Variants in CNTN5 observed in about 807,000 individuals in gnomAD.
CNTN5 encodes contactin-5.
Under a neutral mutation model 129.1 loss-of-function variants are expected in CNTN5, and 77 were observed. The ratio of observed to expected loss-of-function variants is 0.60; its 90% CI spans 0.50 to 0.72. CNTN5 has a LOEUF of 0.72. CNTN5 is among the 30% of genes least tolerant of loss of function. The probability of loss-of-function intolerance (pLI) is 0.00; values close to 1 mark genes in which losing one functional copy is unlikely to be tolerated. For missense variants in CNTN5, 1,478 were observed against 1,328.8 expected, an observed-to-expected ratio of 1.11 and a Z score of -1.75; for synonymous variants, 509 against 465.6, an observed-to-expected ratio of 1.09 and a Z score of -1.20.
chr11:100,075,809 G>C (rs1471182817), intron 13 of CNTN5, among the ~76,000 whole-genome samples: 4 of 152,086 alleles, frequency 2.6e-5, no homozygotes. Context: ...GAGAATTCTG[G>C]TTTCTATCAT....
chr11:100,071,966 C>A, intron 12 of CNTN5, 132 bp downstream of exon 12: 1 of 839,532 alleles, frequency 1.2e-6, no homozygotes, highest in Non-Finnish European at 1.8e-6. Flanking sequence ...AATACTATGT[C>A]TTGCTGATTT....
At chr11:99,472,522 T>C (rs1285089469) in intron 2 of CNTN5, among the ~76,000 whole-genome samples, 1 of 152,202 alleles carries the variant, frequency 6.6e-6, no homozygotes, top group African/African-American at 2.4e-5. Flanking sequence ...TTTCTGTCTG[T>C]TTGTTCAACA....
chr11:100,061,051 C>A (rs542671391), intron 9 of CNTN5, among the ~76,000 whole-genome samples, 161 bp from the exon 10 acceptor site: 2 of 93,078 alleles, frequency 2.1e-5, no homozygotes, highest in Admixed American at 2.1e-4. Context: ...ACTTCCCAGA[C>A]AACCCACGTG....
chr11:100,081,082 T>C (rs1316750869), intron 13 of CNTN5, among the ~76,000 whole-genome samples: 1 of 152,104 alleles, frequency 6.6e-6, no homozygotes, highest in Non-Finnish European at 1.5e-5. Flanking sequence ...CTGATTTCAG[T>C]GAAAGCTAAC....
At chr11:99,044,071 G>T (rs960971818) in intron 1 of CNTN5, among the ~76,000 whole-genome samples, 1 of 152,054 alleles carries the variant, frequency 6.6e-6, no homozygotes, top group African/African-American at 2.4e-5. Flanking sequence ...GAAAAAATAG[G>T]CTTTCTTAGA....
At chr11:99,575,989 T>C (rs1444341142) in intron 3 of CNTN5, among the ~76,000 whole-genome samples, 3 of 152,152 alleles carry the variant, frequency 2.0e-5, no homozygotes, top group Non-Finnish European at 4.4e-5. Context: ...AGGGCCCCGG[T>C]GGCCACATCA....
chr11:99,080,985 T>TTTTG (rs773771006), intron 1 of CNTN5, among the ~76,000 whole-genome samples: 3 of 151,196 alleles, frequency 2.0e-5, no homozygotes, highest in Non-Finnish European at 3.0e-5. Context: ...AATCAGTTTT[T>TTTTG]TTTTTTTTTT....
intron 8 of CNTN5, among the ~76,000 whole-genome samples, chr11:99,992,419 C>G (rs1939168295): frequency 6.6e-6 from 1 of 152,168 alleles, no homozygotes; most frequent in African/African-American, 2.4e-5. Context: ...CAGCATGACT[C>G]TCTGCATGCC....
chr11:100,010,221 T>C (rs939308932), intron 9 of CNTN5, among the ~76,000 whole-genome samples: 2 of 152,050 alleles, frequency 1.3e-5, no homozygotes, highest in African/African-American at 4.8e-5. Flanking sequence ...AGTGTTTAAG[T>C]CCAGCCCATA....
chr11:99,825,477 T>G (rs1035660915), intron 4 of CNTN5, among the ~76,000 whole-genome samples: 1 of 151,502 alleles, frequency 6.6e-6, no homozygotes, highest in African/African-American at 2.4e-5. Context: ...TAAAAATCAA[T>G]ACTTAATTAT....
intron 21 of CNTN5, among the ~76,000 whole-genome samples, chr11:100,318,157 C>T (rs1233918246): frequency 7.0e-6 from 1 of 143,654 alleles, no homozygotes; most frequent in Non-Finnish European, 1.5e-5. Flanking sequence ...AGGAGAATGG[C>T]GTGAACCCGG....
chr11:99,143,849 C>T (rs1276069631), intron 1 of CNTN5, among the ~76,000 whole-genome samples: 2 of 151,974 alleles, frequency 1.3e-5, no homozygotes, highest in Non-Finnish European at 2.9e-5. Context: ...TTTGAAAAGA[C>T]CTGTTTTAGA....
At chr11:99,574,664 G>A (rs1949286659) in intron 3 of CNTN5, among the ~76,000 whole-genome samples, 1 of 152,104 alleles carries the variant, frequency 6.6e-6, no homozygotes, top group Non-Finnish European at 1.5e-5. Context: ...GACTGGTGAT[G>A]TTGAGCTTTT....
intron 2 of CNTN5, among the ~76,000 whole-genome samples, chr11:99,369,321 T>C (rs1300820162): frequency 6.7e-6 from 1 of 150,178 alleles, no homozygotes; most frequent in Non-Finnish European, 1.5e-5. Flanking sequence ...GGAACCTTTG[T>C]AACATTTAGT....
intron 13 of CNTN5, among the ~76,000 whole-genome samples, chr11:100,083,342 G>A (rs755975311): frequency 3.3e-5 from 5 of 150,760 alleles, no homozygotes; most frequent in African/African-American, 4.9e-5. Context: ...AGAGAGATGG[G>A]AAGAGGTCCC....
At chr11:99,695,801 T>C (rs1253674871) in intron 3 of CNTN5, among the ~76,000 whole-genome samples, 1 of 152,082 alleles carries the variant, frequency 6.6e-6, no homozygotes, top group Non-Finnish European at 1.5e-5. Context: ...ATCTTACTTC[T>C]ACTAATTTTC....
At chr11:99,974,781 TAG>T (rs1390055765) in intron 8 of CNTN5, among the ~76,000 whole-genome samples, 1 of 152,214 alleles carries the variant, frequency 6.6e-6, no homozygotes, top group Non-Finnish European at 1.5e-5. Flanking sequence ...TAATAATTAG[TAG>T]AGTCTACTTA....
At chr11:99,422,866 G>A (rs1942962475) in intron 2 of CNTN5, among the ~76,000 whole-genome samples, 1 of 151,634 alleles carries the variant, frequency 6.6e-6, no homozygotes. Flanking sequence ...AGACTAATAA[G>A]TGCATCTTCT....
chr11:99,518,362 A>G (rs1358842092), intron 2 of CNTN5, among the ~76,000 whole-genome samples: 2 of 152,136 alleles, frequency 1.3e-5, no homozygotes, highest in Non-Finnish European at 2.9e-5. Flanking sequence ...GATAAAACAG[A>G]GCAAGTATAT....
Sources: allele counts gnomAD v4.1 joint callset (sites outside exome capture counted in the v4.1 genomes callset), GRCh38; gene constraint gnomAD v4.1.1; transcripts MANE v1.5; gene names NCBI Gene and HGNC (gene_info 2026-07-23, HGNC 2026-07-21).